The following KCNH1 variants were observed in gnomAD, a reference collection of about 807,000 sequenced individuals.
KCNH1 encodes the protein voltage-gated delayed rectifier potassium channel KCNH1.
A neutral mutation model predicts 69.2 loss-of-function variants in KCNH1; 27 were observed. The ratio of observed to expected loss-of-function variants is 0.39; its 90% confidence interval spans 0.29 to 0.54. The LOEUF is 0.54. Among genes scored for constraint, KCNH1 ranks in the 20% least tolerant of loss-of-function variants. KCNH1 has a pLI of 0.68. For synonymous variants in KCNH1, 456 were observed against 487.7 expected, an observed-to-expected ratio of 0.93 and a Z score of 0.86; for missense variants, 798 against 1,261.6, an observed-to-expected ratio of 0.63 and a Z score of 5.57.
intron 6 of KCNH1, among the ~76,000 whole-genome samples, chr1:210,934,221 A>G (rs530278248): frequency 3.9e-5 from 6 of 152,376 alleles, no homozygotes; most frequent in African/African-American, 1.4e-4. Context: ...TGTAAAGCAA[A>G]GGAAACAATC....
At chr1:211,056,886 C>A (rs541836232) in intron 5 of KCNH1, among the ~76,000 whole-genome samples, 2 of 152,228 alleles carry the variant, frequency 1.3e-5, no homozygotes, top group East Asian at 3.9e-4. Flanking sequence ...GTCAAAACAC[C>A]CAAATCCCTT....
At chr1:210,707,026 G>A (rs1681930869) in intron 10 of KCNH1, among the ~76,000 whole-genome samples, 1 of 152,232 alleles carries the variant, frequency 6.6e-6, no homozygotes, top group African/African-American at 2.4e-5. Flanking sequence ...AGTCCAGGAA[G>A]TAAGCAGATA....
intron 10 of KCNH1, among the ~76,000 whole-genome samples, chr1:210,714,984 G>C (rs1045460551): frequency 1.3e-5 from 2 of 152,192 alleles, no homozygotes; most frequent in South Asian, 4.1e-4. Context: ...GACCGGCACA[G>C]ACTACCCATC....
In KCNH1 at chr1:210,738,552, C is replaced by CTTTTTTT. The variant is rs57669878; in HGVS notation, c.2112+36789_2112+36795dup. ...CTGTATTCCTGGCTTGGCTTTTTTG[C>CTTTTTTT]TTTTTTTTTTTTTTTTTTTTTTTTT... On this transcript the variant is annotated intron_variant, in intron 10 of 10. Coordinates refer to ENST00000271751, the MANE Select transcript of KCNH1 (RefSeq NM_172362.3). 1.9e-3 allele frequency among the ~76,000 whole-genome samples: 92 copies of CTTTTTTT among 49,160 alleles called. 5 individuals carry two copies. Among genetic ancestry groups the CTTTTTTT allele is most frequent in the Non-Finnish European group, 2.4e-3 (59 of 24,374 alleles). 32.3% of individuals were successfully genotyped at this position (49,160 alleles called of 152,430 possible).
In KCNH1 at chr1:210,860,511, T is replaced by C; in HGVS notation, c.1463-56345A>G. ...CTTCATCTGGCCCTGTCTGGATTACTTGGCTAAATGTCATTGCCAACTGTT... is the reference window on the plus strand; with the variant it reads ...CTTCATCTGGCCCTGTCTGGATTACCTGGCTAAATGTCATTGCCAACTGTT... On this transcript the variant is annotated intron_variant, in intron 7 of 10. Transcript: ENST00000271751. 3.6e-6 allele frequency: 3 copies of C among 843,806 alleles called. No homozygotes were observed. In the South Asian group the frequency reaches 4.0e-5, roughly 11 times the overall value. 52.3% of individuals were successfully genotyped at this position (843,806 alleles called of 1,614,324 possible).
At chr1:210,926,957 GGAGA>G (rs1475495720) in intron 6 of KCNH1, among the ~76,000 whole-genome samples, 2 of 152,012 alleles carry the variant, frequency 1.3e-5, no homozygotes, top group African/African-American at 4.8e-5. Context: ...TGAACAAGCA[GGAGA>G]AAGAACTTCA....
intron 10 of KCNH1, among the ~76,000 whole-genome samples, chr1:210,747,617 T>G (rs1683188403): frequency 6.7e-6 from 1 of 148,266 alleles, no homozygotes; most frequent in African/African-American, 2.5e-5. Context: ...AGGGGCAAAC[T>G]GTGTATTCCT....
intron 5 of KCNH1, among the ~76,000 whole-genome samples, chr1:211,075,897 T>C (rs764446853): frequency 3.3e-5 from 5 of 152,198 alleles, no homozygotes; most frequent in Middle Eastern, 3.2e-3. Context: ...GCTTTTCCAA[T>C]GGTATTAGCA....
Position 211,096,548 on chromosome 1 carries a change from A to G in KCNH1, c.311-5858T>C, listed in dbSNP as rs376536720. On this transcript the variant is annotated intron_variant, in intron 3 of 10. Coordinates refer to ENST00000271751, the MANE Select transcript of KCNH1 (RefSeq NM_172362.3). ...AAGAGGGCCAGTCTCAAATATAACA[A>G]GGGCAAAACTAGAAAAATCAACACT... Among the ~76,000 whole-genome samples, 559 of 152,344 alleles carry G rather than the reference A, an allele frequency of 3.7e-3. 6 individuals are homozygous for G. Among genetic ancestry groups the G allele is most frequent in the African/African-American group, 0.013 (532 of 41,582 alleles).
At chr1:210,940,767 C>T (rs148740712) in intron 6 of KCNH1, among the ~76,000 whole-genome samples, 206 of 152,264 alleles carry the variant, frequency 1.4e-3, no homozygotes, top group African/African-American at 4.7e-3. Flanking sequence ...TTTTATCAAA[C>T]CATATCTCCA....
At chr1:210,943,060 A>G (rs11119635) in intron 6 of KCNH1, among the ~76,000 whole-genome samples, 9,412 of 152,266 alleles carry the variant, frequency 0.062, 756 homozygotes, top group African/African-American at 0.19. Flanking sequence ...TCATTCATTC[A>G]ATTCTCACAA....
chr1:211,101,789 TCA>T (rs1257758683), intron 3 of KCNH1, among the ~76,000 whole-genome samples: 1 of 152,338 alleles, frequency 6.6e-6, no homozygotes, highest in East Asian at 1.9e-4. Flanking sequence ...TGTGCCTATT[TCA>T]CAGAGATTAG....
intron 7 of KCNH1, among the ~76,000 whole-genome samples, chr1:210,909,144 G>C (rs779377558): frequency 2.6e-5 from 4 of 152,216 alleles, no homozygotes; most frequent in Non-Finnish European, 4.4e-5. Context: ...ATCACTGTCA[G>C]GTGAGAATTT....
At chr1:211,061,832 GAA>G (rs1280667207) in intron 5 of KCNH1, among the ~76,000 whole-genome samples, 2 of 151,978 alleles carry the variant, frequency 1.3e-5, no homozygotes, top group Non-Finnish European at 2.9e-5. Flanking sequence ...CACAAAAAAG[GAA>G]AAGTATTCCA....
chr1:211,122,981 C>CA (rs1691715558), intron 1 of KCNH1, among the ~76,000 whole-genome samples: 1 of 151,468 alleles, frequency 6.6e-6, no homozygotes, highest in Non-Finnish European at 1.5e-5. Flanking sequence ...ACATTAAAAA[C>CA]AAAAAAGACT....
rs182092633 is a variant in KCNH1, at chr1:210,966,715, A to G, written c.1033-46646T>C. Among the ~76,000 whole-genome samples the G allele has an allele frequency of 1.1e-3, 171 of 152,350 alleles. 1 individual carries two copies. The highest frequency in any genetic ancestry group is 3.7e-3 in the African/African-American group (153 of 41,578). ...GGCAATCATTAAAAAGACAGGAAAC[A>G]ACAGATGCTGGAGAGGAGGCAGAGA... On this transcript the variant is annotated intron_variant, in intron 6 of 10. Coordinates refer to ENST00000271751, the MANE Select transcript of KCNH1 (RefSeq NM_172362.3).
intron 5 of KCNH1, among the ~76,000 whole-genome samples, chr1:211,059,294 T>C (rs1469031086): frequency 1.5e-5 from 2 of 136,724 alleles, no homozygotes; most frequent in Non-Finnish European, 3.2e-5. Context: ...AAAAAAAAAA[T>C]AGAGAGAGAG....
intron 6 of KCNH1, among the ~76,000 whole-genome samples, chr1:210,936,496 C>A (rs1501561): frequency 0.71 from 108,212 of 152,138 alleles, 39,479 homozygotes; most frequent in African/African-American, 0.87. Context: ...GCACTCAAAA[C>A]CCAAAATTCT....
At chr1:210,822,087 G>C (rs763298339) in intron 7 of KCNH1, among the ~76,000 whole-genome samples, 7 of 152,070 alleles carry the variant, frequency 4.6e-5, no homozygotes, top group Non-Finnish European at 8.8e-5. Flanking sequence ...ATGTCCAATA[G>C]GACCTCATCC....
Sources: gnomAD v4.1 joint callset for allele counts (sites outside exome capture counted in the v4.1 genomes callset) on GRCh38, gnomAD v4.1.1 for gene constraint, MANE v1.5 for transcripts, NCBI Gene and HGNC (gene_info 2026-07-23, HGNC 2026-07-21) for gene names.